Variants in EXOC4 observed in about 807,000 individuals in gnomAD.
EXOC4 encodes the protein SEC8-like 1.
EXOC4 carries 71 observed loss-of-function variants against 107.2 expected under a neutral mutation model. The ratio of observed to expected loss-of-function variants is 0.66; its 90% CI spans 0.55 to 0.81. The LOEUF (loss-of-function observed/expected upper bound fraction) is 0.81, where lower values mean the gene tolerates loss of function less well. Ranked by LOEUF, EXOC4 falls within the 30% of genes least tolerant of loss-of-function variation. The pLI is 0.00. For synonymous variants in EXOC4, 456 were observed against 441.2 expected (o/e 1.03, Z -0.42); for missense variants, 1,108 against 1,189.6 (o/e 0.93, Z 1.01).
chr7:134,094,663 C>A, the EXOC4 span, among the ~76,000 whole-genome samples: 1 of 151,926 alleles, frequency 6.6e-6, no homozygotes. Flanking sequence ...TGCAAAAATC[C>A]TCAAACGCCA....
intron 10 of EXOC4, among the ~76,000 whole-genome samples, chr7:133,759,891 C>T (rs1482259158): frequency 6.6e-6 from 1 of 152,058 alleles, no homozygotes; most frequent in Non-Finnish European, 1.5e-5. Context: ...CCAGTTTGGG[C>T]TAGAAGCAGT....
intron 11 of EXOC4, chr7:133,895,341 T>A (rs1799280123): frequency 2.7e-6 from 1 of 367,726 alleles, no homozygotes; most frequent in African/African-American, 2.1e-5. Flanking sequence ...CACTCCCTAG[T>A]GAGATGAACC....
chr7:133,804,257 T>C (rs1797018735), intron 10 of EXOC4, among the ~76,000 whole-genome samples: 3 of 152,156 alleles, frequency 2.0e-5, no homozygotes, highest in Non-Finnish European at 2.9e-5. Flanking sequence ...CTTACCTGAA[T>C]TAATGATCAA....
chr7:133,603,198 T>G (rs554944802), intron 9 of EXOC4, among the ~76,000 whole-genome samples: 1 of 152,340 alleles, frequency 6.6e-6, no homozygotes, highest in East Asian at 1.9e-4. Context: ...CTGTAGGTTA[T>G]GAAGTGCTTG....
chr7:133,454,074 G>T (rs1798409358), intron 7 of EXOC4, among the ~76,000 whole-genome samples: 1 of 152,112 alleles, frequency 6.6e-6, no homozygotes, highest in African/African-American at 2.4e-5. Flanking sequence ...GATTCAGATT[G>T]CTTTTAATTG....
chr7:134,030,601 G>A (rs767868692), intron 17 of EXOC4, among the ~76,000 whole-genome samples: 18 of 152,150 alleles, frequency 1.2e-4, no homozygotes, highest in East Asian at 3.9e-4. Context: ...CATTTATTTC[G>A]TACAGATTTA....
intron 10 of EXOC4, among the ~76,000 whole-genome samples, chr7:133,719,018 C>T (rs555942048): frequency 2.6e-4 from 39 of 152,268 alleles, no homozygotes; most frequent in Admixed American, 1.0e-3. Context: ...TGTCCCCACC[C>T]AAATCTCATC....
At chr7:133,899,915 A>C (rs949830621) in intron 12 of EXOC4, among the ~76,000 whole-genome samples, 1 of 151,616 alleles carries the variant, frequency 6.6e-6, no homozygotes, top group African/African-American at 2.4e-5. Flanking sequence ...CCAACTGTCT[A>C]TTTATTTATT....
At position 133,517,133 on chromosome 7, in the gene EXOC4, G is replaced by T. The variant is rs895590522; in HGVS notation, c.1417+36995G>T. Among the ~76,000 whole-genome samples the T allele has an allele frequency of 3.9e-5, 6 of 152,200 alleles. No individual in the cohort carries two copies. The East Asian group carries it at 9.7e-4, about 24-fold the overall frequency. ...TATTTAAAAGACAAATATTTGATTT[G>T]TAAAAATAATATTAAGACAGTTGGA... On this transcript the variant is annotated intron_variant, in intron 9 of 17. Coordinates refer to ENST00000253861, the MANE Select transcript of EXOC4 (RefSeq NM_021807.4).
At chr7:133,968,359 T>G (rs1801119982) in intron 14 of EXOC4, among the ~76,000 whole-genome samples, 1 of 152,194 alleles carries the variant, frequency 6.6e-6, no homozygotes, top group African/African-American at 2.4e-5. Context: ...AACATTGTTA[T>G]GTGTGAATTT....
At chr7:133,901,853 A>G (rs1169509083) in intron 12 of EXOC4, among the ~76,000 whole-genome samples, 1 of 152,104 alleles carries the variant, frequency 6.6e-6, no homozygotes, top group African/African-American at 2.4e-5. Flanking sequence ...TGTTATGGAC[A>G]ATACTAGATA....
At chr7:133,606,666 C>A (rs1420835500) in intron 9 of EXOC4, among the ~76,000 whole-genome samples, 1 of 151,810 alleles carries the variant, frequency 6.6e-6, no homozygotes, top group African/African-American at 2.4e-5. Context: ...AGGTGTGCAC[C>A]ATCACACCTG....
At chr7:133,842,493 G>A (rs1345191307) in intron 11 of EXOC4, among the ~76,000 whole-genome samples, 5 of 152,082 alleles carry the variant, frequency 3.3e-5, no homozygotes, top group Admixed American at 6.5e-5. Context: ...TTCTTAATGG[G>A]GTTGATTATT....
Position 133,649,484 on chromosome 7 carries a change from TTA to T in EXOC4, c.1514+19344_1514+19345del, listed in dbSNP as rs1248175864. ...TACTTTTTCTTTTTTTTTTTTTTTT[TTA>T]ACCAGTAAAGATTATTTATAACTTT... On this transcript the variant is annotated intron_variant, in intron 10 of 17. Transcript: ENST00000253861. Among the ~76,000 whole-genome samples the T allele has an allele frequency of 4.6e-3, 566 of 123,926 alleles. 28 individuals carry two copies. The highest frequency in any genetic ancestry group is 0.01 in the Admixed American group (105 of 10,278). 81.3% of individuals were successfully genotyped at this position (123,926 alleles called of 152,430 possible).
chr7:133,508,003 T>A (rs1324729390), intron 9 of EXOC4, among the ~76,000 whole-genome samples: 5 of 151,862 alleles, frequency 3.3e-5, no homozygotes, highest in African/African-American at 1.2e-4. Flanking sequence ...GAGGTTGCAG[T>A]GAACCAAGAT....
intron 10 of EXOC4, among the ~76,000 whole-genome samples, chr7:133,753,635 A>G (rs1296406984): frequency 1.3e-5 from 2 of 152,234 alleles, no homozygotes; most frequent in East Asian, 1.9e-4. Flanking sequence ...CTCCAGGTGA[A>G]CAAGGAAGGA....
intron 9 of EXOC4, among the ~76,000 whole-genome samples, chr7:133,494,164 A>C (rs557130501): frequency 2.0e-5 from 3 of 152,206 alleles, no homozygotes; most frequent in Non-Finnish European, 4.4e-5. Context: ...CGGATTGGGT[A>C]ATACGTTGGT....
intron 7 of EXOC4, among the ~76,000 whole-genome samples, chr7:133,403,133 T>G (rs1421702901): frequency 6.6e-6 from 1 of 152,228 alleles, no homozygotes; most frequent in East Asian, 1.9e-4. Flanking sequence ...TCCACCCGCC[T>G]CGGCCTCCCA....
intron 9 of EXOC4, among the ~76,000 whole-genome samples, chr7:133,482,259 G>A (rs1191682580): frequency 2.0e-5 from 3 of 152,158 alleles, no homozygotes; most frequent in African/African-American, 7.2e-5. Flanking sequence ...GTTCCTGTGT[G>A]CCCTTGTCCC....
Sources: gnomAD v4.1 joint callset for allele counts (sites outside exome capture counted in the v4.1 genomes callset) on GRCh38, gnomAD v4.1.1 for gene constraint, MANE v1.5 for transcripts, NCBI Gene and HGNC (gene_info 2026-07-23, HGNC 2026-07-21) for gene names.